The following MGAT4C variants were observed in gnomAD, a reference collection of about 807,000 sequenced individuals.
MGAT4C encodes the protein alpha-1,3-mannosyl-glycoprotein 4-beta-N-acetylglucosaminyltransferase C.
In MGAT4C, 19 loss-of-function variants were observed where a neutral mutation model predicts 40.1. The observed-to-expected ratio is 0.47, with a 90% CI of 0.33 to 0.70. MGAT4C has a LOEUF of 0.70. MGAT4C is among the 30% of genes least tolerant of loss of function. The pLI, the probability that MGAT4C is intolerant of heterozygous loss-of-function variation, is 0.02. For missense variants in MGAT4C, 491 were observed against 563.2 expected, an observed-to-expected ratio of 0.87 and a Z score of 1.30; for synonymous variants, 181 against 187.1, an observed-to-expected ratio of 0.97 and a Z score of 0.27.
At chr12:86,478,375 A>G (rs1957878367) in intron 2 of MGAT4C, among the ~76,000 whole-genome samples, 1 of 152,156 alleles carries the variant, frequency 6.6e-6, no homozygotes, top group Non-Finnish European at 1.5e-5. Context: ...TAAAGCCCTT[A>G]GGCATGAACA....
chr12:86,709,378 A>T (rs1040267283), intron 2 of MGAT4C, among the ~76,000 whole-genome samples: 6 of 152,194 alleles, frequency 3.9e-5, no homozygotes, highest in Admixed American at 3.9e-4. Context: ...AGCAGTGTAA[A>T]AATGTACTAA....
chr12:86,277,942 G>A (rs1158288573), intron 4 of MGAT4C, among the ~76,000 whole-genome samples: 1 of 152,024 alleles, frequency 6.6e-6, no homozygotes, highest in Non-Finnish European at 1.5e-5. Flanking sequence ...CATGTCATTG[G>A]CATTTTAATA....
chr12:86,074,464 A>G (rs1372960201), intron 1 of MGAT4C, among the ~76,000 whole-genome samples: 1 of 152,128 alleles, frequency 6.6e-6, no homozygotes, highest in East Asian at 1.9e-4. Flanking sequence ...TGGAGTTTGC[A>G]TTTTGTAGAA....
At chr12:86,041,259 T>C (rs923598680) in intron 2 of MGAT4C, among the ~76,000 whole-genome samples, 25 of 152,078 alleles carry the variant, frequency 1.6e-4, no homozygotes, top group Non-Finnish European at 2.2e-4. Flanking sequence ...ATTTATTCTC[T>C]CAAAAAACAA....
chr12:86,076,078 T>C (rs1384809697), intron 1 of MGAT4C, among the ~76,000 whole-genome samples: 10 of 152,198 alleles, frequency 6.6e-5, no homozygotes, highest in Non-Finnish European at 1.0e-4. Flanking sequence ...TAAAACTGAA[T>C]GCCTTTAACA....
chr12:86,110,268 C>CTATATATATATATAGTCTA (rs368895751), intron 1 of MGAT4C, among the ~76,000 whole-genome samples: 1 of 22,306 alleles, frequency 4.5e-5, no homozygotes, highest in African/African-American at 1.8e-4. Context: ...TATATATAGA[C>CTATATATATATATAGTCTA]TATATATATA....
At chr12:86,653,598 A>G (rs2136538174) in intron 2 of MGAT4C, among the ~76,000 whole-genome samples, 1 of 152,048 alleles carries the variant, frequency 6.6e-6, no homozygotes, top group East Asian at 1.9e-4. Flanking sequence ...AGACATAACT[A>G]TTGGTGAGAA....
At chr12:86,240,423 G>T (rs2136042893) in intron 1 of MGAT4C, among the ~76,000 whole-genome samples, 1 of 151,926 alleles carries the variant, frequency 6.6e-6, no homozygotes, top group African/African-American at 2.4e-5. Flanking sequence ...GGAGCAAAAT[G>T]AATATACTGT....
At chr12:86,000,812 A>G (rs1887211576) in intron 2 of MGAT4C, among the ~76,000 whole-genome samples, 1 of 151,894 alleles carries the variant, frequency 6.6e-6, no homozygotes, top group Non-Finnish European at 1.5e-5. Context: ...TTTCTTTCTA[A>G]TTTTTCCAAT....
At chr12:86,653,912 A>G (rs1963769242) in intron 2 of MGAT4C, among the ~76,000 whole-genome samples, 2 of 151,434 alleles carry the variant, frequency 1.3e-5, no homozygotes, top group Non-Finnish European at 2.9e-5. Context: ...TTCTTATTAG[A>G]AATAACTTAT....
At chr12:86,425,628 A>G (rs1956911500) in intron 3 of MGAT4C, among the ~76,000 whole-genome samples, 1 of 152,222 alleles carries the variant, frequency 6.6e-6, no homozygotes, top group Non-Finnish European at 1.5e-5. Flanking sequence ...GACCACTTGC[A>G]TCCTAGCACT....
chr12:86,388,843 G>C (rs1384677204), intron 3 of MGAT4C, among the ~76,000 whole-genome samples: 1 of 151,522 alleles, frequency 6.6e-6, no homozygotes, highest in African/African-American at 2.4e-5. Flanking sequence ...CACCATGCCT[G>C]GCTAATTTTT....
chr12:86,390,401 TG>T (rs1956142367), intron 3 of MGAT4C, among the ~76,000 whole-genome samples: 1 of 152,202 alleles, frequency 6.6e-6, no homozygotes, highest in Non-Finnish European at 1.5e-5. Context: ...ATATCACTGT[TG>T]GATAGAGACT....
At chr12:86,603,571 TAG>T (rs570830492) in intron 2 of MGAT4C, among the ~76,000 whole-genome samples, 10 of 111,136 alleles carry the variant, frequency 9.0e-5, no homozygotes, top group African/African-American at 3.1e-4. Flanking sequence ...CTATAGACTA[TAG>T]ATAATATATA....
intron 4 of MGAT4C, among the ~76,000 whole-genome samples, chr12:86,332,510 C>T (rs1252536924): frequency 6.6e-6 from 1 of 151,952 alleles, no homozygotes; most frequent in Non-Finnish European, 1.5e-5. Context: ...TTTTATATTC[C>T]TCTCGAATTC....
At chr12:86,506,090 T>A (rs1367821783) in intron 2 of MGAT4C, among the ~76,000 whole-genome samples, 1 of 152,176 alleles carries the variant, frequency 6.6e-6, no homozygotes, top group Non-Finnish European at 1.5e-5. Context: ...GGATCATGTA[T>A]CCAGTGAAAG....
At chr12:86,538,565 T>A (rs1466000663) in intron 2 of MGAT4C, among the ~76,000 whole-genome samples, 2 of 152,064 alleles carry the variant, frequency 1.3e-5, no homozygotes, top group Non-Finnish European at 2.9e-5. Flanking sequence ...GATAAAATAT[T>A]TCATATTAAC....
chr12:85,986,736 C>T (rs985325312), intron 3 of MGAT4C, among the ~76,000 whole-genome samples: 3 of 151,442 alleles, frequency 2.0e-5, no homozygotes, highest in African/African-American at 4.9e-5. Flanking sequence ...TTGTGATAAT[C>T]GGGAAGAAAG....
intron 1 of MGAT4C, among the ~76,000 whole-genome samples, chr12:86,096,038 G>A (rs1250734682): frequency 6.6e-6 from 1 of 151,558 alleles, no homozygotes; most frequent in Non-Finnish European, 1.5e-5. Context: ...AATCAACTTT[G>A]GCTAGTTACA....
Sources: gnomAD v4.1 joint callset for allele counts (sites outside exome capture counted in the v4.1 genomes callset) on GRCh38, gnomAD v4.1.1 for gene constraint, MANE v1.5 for transcripts, NCBI Gene and HGNC (gene_info 2026-07-23, HGNC 2026-07-21) for gene names.